The following MCC variants were observed in gnomAD, a reference collection of about 807,000 sequenced individuals.
MCC encodes colorectal mutant cancer protein.
In MCC, 90 loss-of-function variants were observed where a neutral mutation model predicts 116.2. The ratio of observed to expected loss-of-function variants is 0.77; its 90% confidence interval spans 0.65 to 0.92. The LOEUF (loss-of-function observed/expected upper bound fraction) is 0.92, where lower values mean the gene tolerates loss of function less well. MCC is among the 40% of genes least tolerant of loss of function. The pLI is 0.00. For synonymous variants in MCC, 578 were observed against 510.5 expected (o/e 1.13, Z -1.78); for missense variants, 1,516 against 1,312.2 (o/e 1.16, Z -2.40).
In MCC at chr5:113,434,895, G is replaced by A; in HGVS notation, c.171-49683C>T. On this transcript the variant is annotated intron_variant, in intron 1 of 18. Coordinates refer to ENST00000408903, the MANE Select transcript of MCC (RefSeq NM_001085377.2). The surrounding 1 kb of genome is among the most constrained non-coding windows in gnomAD (Gnocchi z 4.2). Reference sequence around the variant, plus strand: ...TGCCCTCTACAGCCCCGAGGCGCATGGGCCAGCAGTGTGCTCATTTACATC... The same window carrying A: ...TGCCCTCTACAGCCCCGAGGCGCATAGGCCAGCAGTGTGCTCATTTACATC... The A allele has an allele frequency of 1.9e-6, 3 of 1,547,116 alleles. No individual in the cohort carries two copies. Among genetic ancestry groups the A allele is most frequent in the African/African-American group, 1.4e-5 (1 of 72,924 alleles).
chr5:113,080,400 A>T (rs1179363201), intron 11 of MCC, among the ~76,000 whole-genome samples: 1 of 152,314 alleles, frequency 6.6e-6, no homozygotes, highest in African/African-American at 2.4e-5. Context: ...CTTGGAACCA[A>T]CCCAAATGTC....
intron 8 of MCC, among the ~76,000 whole-genome samples, chr5:113,087,234 T>C (rs11958717): frequency 0.014 from 2,144 of 152,238 alleles, 60 homozygotes; most frequent in African/African-American, 0.049. Context: ...CATCAACATA[T>C]TAGAAGCTAA....
chr5:113,345,752 A>G (rs1768119304), intron 2 of MCC, among the ~76,000 whole-genome samples: 1 of 152,258 alleles, frequency 6.6e-6, no homozygotes, highest in East Asian at 1.9e-4. Context: ...GGCCTTCCCA[A>G]GAAGGACAGG....
chr5:113,481,126 T>G (rs1436076199), intron 1 of MCC, among the ~76,000 whole-genome samples: 1 of 152,150 alleles, frequency 6.6e-6, no homozygotes, highest in African/African-American at 2.4e-5. Flanking sequence ...TTTAAACAAT[T>G]TGAATATGAA....
At chr5:113,435,112 A>T in intron 1 of MCC, 4 of 439,186 alleles carry the variant, frequency 9.1e-6, no homozygotes, top group Admixed American at 3.6e-5. Flanking sequence ...GCTGGCCAGT[A>T]GGCTGGAGCA....
At chr5:113,121,363 C>T (rs917003649) in intron 6 of MCC, among the ~76,000 whole-genome samples, 1 of 152,234 alleles carries the variant, frequency 6.6e-6, no homozygotes, top group Non-Finnish European at 1.5e-5. Context: ...TGGTCTCTGT[C>T]ATGGCCTGTA....
chr5:113,384,979 T>C lies in MCC; in HGVS notation c.404A>G (p.Asp135Gly). 1 of 1,614,204 alleles carries C rather than the reference T, an allele frequency of 6.2e-7. No homozygotes were observed. Residue 135 changes from aspartate to glycine, a missense_variant, in exon 2 of 19, where the codon GAC becomes GGC. By Grantham distance (94) the Asp-to-Gly change is moderately conservative. Transcript: ENST00000408903. The stretch of plus-strand genomic sequence containing the variant: ...CTGGTTATACCTACCCAAACTGTTG[T>C]CACTGCTCGTGGGCCAGGAAGCAAT... ...DRIASWPTSS[D>G]NSLGALSAAR... is the part of the protein sequence containing the mutation.
intron 1 of MCC, among the ~76,000 whole-genome samples, chr5:113,439,550 C>G (rs1277592847): frequency 1.3e-5 from 2 of 152,192 alleles, no homozygotes; most frequent in Middle Eastern, 3.2e-3. Context: ...CCTAGCCTAC[C>G]TCACAACTTG....
chr5:113,077,243 T>A (rs1754521556), intron 11 of MCC, among the ~76,000 whole-genome samples: 1 of 152,154 alleles, frequency 6.6e-6, no homozygotes, highest in Admixed American at 6.5e-5. Context: ...ATTAGACAGA[T>A]CAATGAGACA....
chr5:113,081,448 A>T (rs1754851003), intron 11 of MCC, among the ~76,000 whole-genome samples: 1 of 152,206 alleles, frequency 6.6e-6, no homozygotes, highest in South Asian at 2.1e-4. Flanking sequence ...AGCTACCAGC[A>T]AAATATTTCC....
intron 5 of MCC, among the ~76,000 whole-genome samples, chr5:113,135,014 TCA>T (rs1312857220): frequency 6.7e-6 from 1 of 149,786 alleles, no homozygotes. Flanking sequence ...CGATCTCAGC[TCA>T]CTACAACCTC....
chr5:113,297,234 G>A (rs1766736164), intron 3 of MCC, among the ~76,000 whole-genome samples: 1 of 152,202 alleles, frequency 6.6e-6, no homozygotes, highest in South Asian at 2.1e-4. Context: ...CTGGCATGGT[G>A]GCTCATGCCT....
At chr5:113,276,863 C>T (rs1765846450) in intron 3 of MCC, among the ~76,000 whole-genome samples, 2 of 148,894 alleles carry the variant, frequency 1.3e-5, no homozygotes, top group African/African-American at 4.9e-5. Flanking sequence ...GGTCTACACT[C>T]CTAGGCTCAA....
chr5:113,414,048 G>A (rs988906206), intron 1 of MCC, among the ~76,000 whole-genome samples: 1 of 152,128 alleles, frequency 6.6e-6, no homozygotes, highest in Non-Finnish European at 1.5e-5. Context: ...TCATTCAGGA[G>A]CAGGTTGTTC....
At chr5:113,431,214 A>T (rs1770631115) in intron 1 of MCC, among the ~76,000 whole-genome samples, 1 of 152,178 alleles carries the variant, frequency 6.6e-6, no homozygotes, top group Non-Finnish European at 1.5e-5. Context: ...AACAGTGCTA[A>T]GGGCCTAACC....
rs1329306874 is a variant in MCC, at chr5:113,488,424, C to T, written c.-10G>A. The T allele has an allele frequency of 2.6e-5, 36 of 1,405,298 alleles. No homozygotes were observed. Among genetic ancestry groups the T allele is most frequent in the Non-Finnish European group, 3.2e-5 (35 of 1,093,364 alleles). The allele number at this position is 1,405,298 out of a possible 1,614,324, so 87.1% of individuals were successfully genotyped here. On this transcript the variant is annotated 5_prime_UTR_variant, in exon 1 of 19. Coordinates refer to ENST00000408903, the MANE Select transcript of MCC (RefSeq NM_001085377.2). Reference sequence around the variant, plus strand: ...CCGCGGCCGCCATCATGCGCCCGCTCCCTACTTGGGAGGAGGAGTACGCGC... The same window carrying T: ...CCGCGGCCGCCATCATGCGCCCGCTTCCTACTTGGGAGGAGGAGTACGCGC...
chr5:113,073,564 T>C (rs906298560), intron 11 of MCC, among the ~76,000 whole-genome samples: 2 of 152,032 alleles, frequency 1.3e-5, no homozygotes, highest in Non-Finnish European at 2.9e-5. Context: ...TTCCCCTTAC[T>C]CCATTTCAGT....
chr5:113,035,150 TG>T (rs1244504297), intron 17 of MCC, among the ~76,000 whole-genome samples: 1 of 152,226 alleles, frequency 6.6e-6, no homozygotes, highest in Non-Finnish European at 1.5e-5. Context: ...CTCTCTCTCC[TG>T]TGTTGGCTAA....
intron 3 of MCC, among the ~76,000 whole-genome samples, chr5:113,257,704 A>G (rs1362565469): frequency 6.6e-6 from 1 of 152,164 alleles, no homozygotes; most frequent in African/African-American, 2.4e-5. Flanking sequence ...ATGGATATGC[A>G]TGGGGGTGTG....
Sources: allele counts gnomAD v4.1 joint callset (sites outside exome capture counted in the v4.1 genomes callset), GRCh38; gene constraint gnomAD v4.1.1; non-coding constraint Gnocchi (gnomAD v3.1); transcripts MANE v1.5; gene names NCBI Gene and HGNC (gene_info 2026-07-23, HGNC 2026-07-21).